Variants in FAM120B observed in about 807,000 individuals in gnomAD.
The protein encoded by FAM120B is family with sequence similarity 120 member B, also known as constitutive coactivator of peroxisome proliferator-activated receptor gamma.
FAM120B carries 83 observed loss-of-function variants against 96.3 expected under a neutral mutation model. The observed-to-expected ratio is 0.86, with a 90% CI of 0.72 to 1.03. The LOEUF is 1.03. Among genes scored for constraint, FAM120B ranks in the 50% least tolerant of loss-of-function variants. FAM120B has a pLI of 0.00. For missense variants in FAM120B, 1,027 were observed against 1,121.2 expected (o/e 0.92, Z 1.20); for synonymous variants, 407 against 402.7 (o/e 1.01, Z -0.13).
upstream of FAM120B, among the ~76,000 whole-genome samples, chr6:170,304,694 C>T (rs9366135): frequency 0.11 from 17,432 of 152,132 alleles, 1,335 homozygotes; most frequent in East Asian, 0.31. Flanking sequence ...TCAGCATGAA[C>T]CTCCTGCGCA....
intron 1 of FAM120B, among the ~76,000 whole-genome samples, chr6:170,300,437 G>C (rs1161418079): frequency 6.6e-6 from 1 of 152,162 alleles, no homozygotes; most frequent in East Asian, 1.9e-4. Flanking sequence ...TTCAAGATGA[G>C]ATTTGGATGG....
Position 170,318,072 on chromosome 6 carries a change from C to T in FAM120B, c.682C>T (p.Leu228Phe). Residue 228 changes from leucine to phenylalanine, a missense_variant, in exon 2 of 11, where the codon CTC (leucine) becomes TTC (phenylalanine). By Grantham distance (22) the Leu-to-Phe change is conservative. Around this residue, in one of 3 missense-constraint regions of FAM120B, gnomAD observed 880 missense variants for 980.9 expected, o/e 0.90. Transcript: ENST00000476287. ...CVADLPLLAC[L>F]LGNDIIPEGM... ...GGCCGACCTTCCTCTTCTGGCCTGC[C>T]TCCTTGGCAACGACATAATCCCAGA... 4 of 1,614,196 alleles carry T rather than the reference C, an allele frequency of 2.5e-6. No individual in the cohort carries two copies. Among genetic ancestry groups the T allele is most frequent in the Non-Finnish European group, 3.4e-6 (4 of 1,180,034 alleles).
At chr6:170,394,306 C>T (rs1411845641) in intron 8 of FAM120B, among the ~76,000 whole-genome samples, 1 of 152,200 alleles carries the variant, frequency 6.6e-6, no homozygotes, top group East Asian at 1.9e-4. Flanking sequence ...CCACCTCATA[C>T]TGGGGAGGTT....
chr6:170,362,882 G>A (rs1788553746), intron 6 of FAM120B, among the ~76,000 whole-genome samples: 1 of 151,620 alleles, frequency 6.6e-6, no homozygotes, highest in South Asian at 2.1e-4. Context: ...ATGGGGTGTT[G>A]CTATGTTGCC....
chr6:170,332,469 A>G (rs574184559), intron 4 of FAM120B, among the ~76,000 whole-genome samples: 1 of 152,344 alleles, frequency 6.6e-6, no homozygotes, highest in South Asian at 2.1e-4. Flanking sequence ...AGGCCGTGGC[A>G]GATGGGTCAC....
At chr6:170,400,508 GT>G (rs1273124417) in intron 9 of FAM120B, among the ~76,000 whole-genome samples, 1 of 152,104 alleles carries the variant, frequency 6.6e-6, no homozygotes, top group African/African-American at 2.4e-5. Context: ...TCAAGCGCTG[GT>G]TCTGCCCCTT....
At position 170,295,733 on chromosome 6, in the gene FAM120B, T is replaced by G. The variant is rs755628443; in HGVS notation, c.48+280T>G. On this transcript the variant is annotated intron_variant, in intron 1 of 10. Transcript: ENST00000537664. The surrounding 1 kb of genome is among the most constrained non-coding windows in gnomAD (Gnocchi z 7.8). ...TTTCCTTTCTCAGGATCCGCGGCCGTGCAGAGAACAGGAAGACGGGCTCCA... is the reference window on the plus strand; with the variant it reads ...TTTCCTTTCTCAGGATCCGCGGCCGGGCAGAGAACAGGAAGACGGGCTCCA... Among the ~76,000 whole-genome samples the G allele has an allele frequency of 6.6e-6, 1 of 151,900 alleles. No individual in the cohort carries two copies. Among genetic ancestry groups the G allele is most frequent in the Non-Finnish European group, 1.5e-5 (1 of 67,942 alleles).
chr6:170,317,696 G>GA lies in FAM120B; in HGVS notation c.309dup (p.Arg104ThrfsTer59). 6.2e-7 allele frequency: 1 copy of GA among 1,614,148 alleles called. No homozygotes were observed. The highest frequency in any genetic ancestry group is 8.5e-7 in the Non-Finnish European group (1 of 1,180,010). On this transcript the variant is annotated frameshift_variant, in exon 2 of 11. Transcript: ENST00000476287. LOFTEE classifies it high-confidence loss of function. Reference sequence around the variant, plus strand: ...AGCAGGATAAGAGAGATGAATGGGTGAAACGAAGGCTCAAGAACAACAGGG... The same window carrying GA: ...AGCAGGATAAGAGAGATGAATGGGTGAAAACGAAGGCTCAAGAACAACAGGG...
chr6:170,376,484 G>C (rs546315285), intron 6 of FAM120B, among the ~76,000 whole-genome samples: 73 of 152,034 alleles, frequency 4.8e-4, no homozygotes, highest in African/African-American at 1.3e-3. Flanking sequence ...ACACGGGGGT[G>C]GGGGGGAGGC....
chr6:170,306,295 G>A (rs1285993576), upstream of FAM120B, among the ~76,000 whole-genome samples: 2 of 152,190 alleles, frequency 1.3e-5, no homozygotes, highest in East Asian at 3.9e-4. Context: ...CCCTGTGCAG[G>A]AGCCCCCCGC....
chr6:170,385,612 C>T (rs985836399), intron 6 of FAM120B, among the ~76,000 whole-genome samples: 6 of 152,282 alleles, frequency 3.9e-5, no homozygotes, highest in Admixed American at 3.3e-4. Flanking sequence ...CTTAACAAAG[C>T]TAAACAGGTC....
chr6:170,336,280 C>T (rs1786413446), intron 4 of FAM120B, among the ~76,000 whole-genome samples: 1 of 152,142 alleles, frequency 6.6e-6, no homozygotes, highest in African/African-American at 2.4e-5. Flanking sequence ...AGCCAGTTTT[C>T]ACAGCACCAT....
chr6:170,337,128 G>C (rs1583222630), intron 4 of FAM120B, among the ~76,000 whole-genome samples: 1 of 152,250 alleles, frequency 6.6e-6, no homozygotes, highest in African/African-American at 2.4e-5. Flanking sequence ...CAAAGGGAAT[G>C]TTTCCAGCTT....
At chr6:170,306,367 C>T (rs1784281764), upstream of FAM120B, among the ~76,000 whole-genome samples, 1 of 152,146 alleles carries the variant, frequency 6.6e-6, no homozygotes, top group African/African-American at 2.4e-5. Context: ...GGGCCGCGCT[C>T]GCACAACTTC....
intron 6 of FAM120B, among the ~76,000 whole-genome samples, chr6:170,371,622 A>G (rs913932332): frequency 3.3e-5 from 5 of 152,226 alleles, no homozygotes; most frequent in Non-Finnish European, 5.9e-5. Context: ...AAAAGGGTAA[A>G]AAAGAAATTC....
chr6:170,358,470 T>A, intron 6 of FAM120B, 152 bp downstream of exon 6: 1 of 631,114 alleles, frequency 1.6e-6, no homozygotes, highest in South Asian at 2.0e-5. Context: ...CTTCGTCTCT[T>A]TAATGGCTCT....
chr6:170,331,953 A>G (rs982703647), intron 4 of FAM120B, among the ~76,000 whole-genome samples: 12 of 151,964 alleles, frequency 7.9e-5, no homozygotes, highest in Non-Finnish European at 1.0e-4. Flanking sequence ...TTTCACAGCT[A>G]TTATTCTAGA....
chr6:170,348,361 C>G (rs757990593), intron 5 of FAM120B, 38 bp downstream of exon 5: 3 of 1,590,126 alleles, frequency 1.9e-6, no homozygotes, highest in East Asian at 4.5e-5. Context: ...CTGCAGCCTG[C>G]GCTTACTTTA....
intron 4 of FAM120B, among the ~76,000 whole-genome samples, chr6:170,338,246 G>T (rs914162739): frequency 3.3e-5 from 5 of 152,052 alleles, no homozygotes; most frequent in Non-Finnish European, 5.9e-5. Flanking sequence ...GTTCTCATTG[G>T]TTTCAAATAA....
Sources: allele counts gnomAD v4.1 joint callset (sites outside exome capture counted in the v4.1 genomes callset), GRCh38; gene constraint gnomAD v4.1.1; regional missense constraint gnomAD v4.1.1; non-coding constraint Gnocchi (gnomAD v3.1); transcripts MANE v1.5; gene names NCBI Gene and HGNC (gene_info 2026-07-23, HGNC 2026-07-21).